The following TRANK1 variants were observed in gnomAD, a reference collection of about 807,000 sequenced individuals.
The protein encoded by TRANK1 is TPR and ankyrin repeat-containing protein 1.
A neutral mutation model predicts 266.0 loss-of-function variants in TRANK1; 198 were observed. The ratio of observed to expected loss-of-function variants is 0.74; its 90% CI spans 0.66 to 0.84. The LOEUF is 0.84. Among genes scored for constraint, TRANK1 ranks in the 40% least tolerant of loss-of-function variants. The pLI is 0.00. For missense variants in TRANK1, 3,326 were observed against 3,634.6 expected (o/e 0.92, Z 2.18); for synonymous variants, 1,396 against 1,384.1 (o/e 1.01, Z -0.19).
intron 1 of TRANK1, among the ~76,000 whole-genome samples, chr3:36,926,911 G>C (rs554303818): frequency 6.6e-6 from 1 of 152,204 alleles, no homozygotes; most frequent in South Asian, 2.1e-4. Flanking sequence ...TTATTTGTCA[G>C]GCCAGGCCCC....
intron 1 of TRANK1, among the ~76,000 whole-genome samples, chr3:36,928,684 G>C (rs1223717543): frequency 6.6e-6 from 1 of 152,072 alleles, no homozygotes; most frequent in Non-Finnish European, 1.5e-5. Context: ...CATTAATTTT[G>C]AAAAGTATAC....
At position 36,858,826 on chromosome 3, in the gene TRANK1, C is replaced by T. The variant is rs1341507616; in HGVS notation, c.1564G>A (p.Glu522Lys). 2.0e-6 allele frequency: 3 copies of T among 1,537,282 alleles called. No individual in the cohort carries two copies. The highest frequency in any genetic ancestry group is 1.2e-5 in the South Asian group (1 of 84,064). Reference sequence around the variant, plus strand: ...TTGGTCAAGAGAAGGAAAGCCAACTCGAAGTCCTCATGTTTCAGGCACGTG... The same window carrying T: ...TTGGTCAAGAGAAGGAAAGCCAACTTGAAGTCCTCATGTTTCAGGCACGTG... ...VVTCLKHEDF[E>K]LAFLLLTKGA... Residue 522 changes from glutamate (E) to lysine (K), a missense_variant, in exon 12 of 24, where the codon GAG becomes AAG. By Grantham distance (56) the Glu-to-Lys change is moderately conservative. Coordinates refer to ENST00000645898, the MANE Select transcript of TRANK1 (RefSeq NM_001329998.2).
rs144966262 is a variant in TRANK1 at position 36,933,572 on chromosome 3, G to A, written c.23+11215C>T. ...TCCTAGCATCCACCCCAGCACCCTG[G>A]TCCACACTACCTGTCACCTGCCATT... On this transcript the variant is annotated intron_variant, in intron 1 of 23. Coordinates refer to ENST00000645898, the MANE Select transcript of TRANK1 (RefSeq NM_001329998.2). Among the ~76,000 whole-genome samples the A allele has an allele frequency of 1.6e-3, 239 of 152,262 alleles. 2 individuals are homozygous for A. Among genetic ancestry groups the A allele is most frequent in the Middle Eastern group, 6.8e-3 (2 of 294 alleles).
chr3:36,881,683 T>C (rs780874171), intron 8 of TRANK1, among the ~76,000 whole-genome samples: 2 of 152,188 alleles, frequency 1.3e-5, no homozygotes, highest in Non-Finnish European at 2.9e-5. Context: ...TGTACAACCA[T>C]CACCACTGTC....
At position 36,879,770 on chromosome 3, in the gene TRANK1, AAAT is replaced by A. The variant is rs1291516631; in HGVS notation, c.908-5477_908-5475del. 1.8e-3 allele frequency among the ~76,000 whole-genome samples: 189 copies of A among 103,110 alleles called. 36 individuals carry two copies. Among genetic ancestry groups the A allele is most frequent in the South Asian group, 5.0e-3 (17 of 3,416 alleles). The allele number at this position is 103,110 out of a possible 152,430, so 67.6% of individuals were successfully genotyped here. On this transcript the variant is annotated intron_variant, in intron 8 of 23. Transcript: ENST00000645898. ...TATATAAATATATATAAATATATAT[AAAT>A]ATATATAAATATGTAAATATATAAA...
At chr3:36,920,805 A>G (rs770388730) in intron 1 of TRANK1, among the ~76,000 whole-genome samples, 1 of 152,206 alleles carries the variant, frequency 6.6e-6, no homozygotes, top group Non-Finnish European at 1.5e-5. Context: ...GGCCTGCCCT[A>G]TCTCTGGACT....
At chr3:36,916,193 T>C (rs2080121689) in intron 1 of TRANK1, among the ~76,000 whole-genome samples, 2 of 152,238 alleles carry the variant, frequency 1.3e-5, no homozygotes, top group African/African-American at 4.8e-5. Flanking sequence ...TAATTAACTT[T>C]GCAATACATA....
intron 1 of TRANK1, among the ~76,000 whole-genome samples, chr3:36,924,618 G>A (rs2080262006): frequency 6.6e-6 from 1 of 152,094 alleles, no homozygotes; most frequent in African/African-American, 2.4e-5. Context: ...AGGAGAACAG[G>A]GCTAAAAAGA....
rs761648836 is a variant in TRANK1 at position 36,856,433 on chromosome 3, AAACGTGG to A, written c.3282_3288del (p.His1095ThrfsTer19). On this transcript the variant is annotated frameshift_variant, in exon 13 of 24. Transcript: ENST00000645898. LOFTEE classifies it high-confidence loss of function. The stretch of plus-strand genomic sequence containing the variant: ...CCTGCCTGCTCAGCTTTTTCCCAGT[AAACGTGG>A]AATTTCTTCCACAATCTGTACAAGC... 1 of 1,613,872 alleles carries A rather than the reference AAACGTGG, an allele frequency of 6.2e-7. No homozygotes were observed. The highest frequency in any genetic ancestry group is 1.7e-5 in the Admixed American group (1 of 60,014).
chr3:36,881,588 G>A (rs1013594103), intron 8 of TRANK1, among the ~76,000 whole-genome samples: 1 of 152,260 alleles, frequency 6.6e-6, no homozygotes, highest in African/African-American at 2.4e-5. Flanking sequence ...ACTCCAGCCT[G>A]GGCAACACAA....
intron 18 of TRANK1, among the ~76,000 whole-genome samples, chr3:36,839,033 A>G (rs1375363133): frequency 6.6e-6 from 1 of 152,196 alleles, no homozygotes; most frequent in African/African-American, 2.4e-5. Flanking sequence ...CATCCTTCTC[A>G]TTGTATATAG....
At position 36,832,464 on chromosome 3, in the gene TRANK1, G is replaced by C. The variant is rs376178651; in HGVS notation, c.7119C>G (p.Gly2373=). ...CTTTTATCCTGCTGCCTCTCCCCCTGCCCCTTTCATCCTTTTCAGACTCTA... is the reference window on the plus strand; with the variant it reads ...CTTTTATCCTGCTGCCTCTCCCCCTCCCCCTTTCATCCTTTTCAGACTCTA... ...KALESEKDER[G]RGRGSRIKGI... The change falls in exon 22 of 24, where the codon GGC becomes GGG. Residue 2373 remains glycine (G), a synonymous_variant. Coordinates refer to ENST00000645898, the MANE Select transcript of TRANK1 (RefSeq NM_001329998.2). 9.3e-6 allele frequency: 15 copies of C among 1,613,708 alleles called. No homozygotes were observed. Among genetic ancestry groups the C allele is most frequent in the Non-Finnish European group, 1.3e-5 (15 of 1,179,870 alleles).
chr3:36,939,504 CACTGTTCTCTCT>C (rs928013420), intron 1 of TRANK1, among the ~76,000 whole-genome samples: 1 of 152,188 alleles, frequency 6.6e-6, no homozygotes, highest in Non-Finnish European at 1.5e-5. Context: ...GATCAAGTCC[CACTGTTCTCTCT>C]TCCAGGCCTG....
At chr3:36,875,873 G>A (rs2079381032) in intron 8 of TRANK1, among the ~76,000 whole-genome samples, 1 of 152,304 alleles carries the variant, frequency 6.6e-6, no homozygotes, top group Admixed American at 6.5e-5. Flanking sequence ...CAGAAAAAAA[G>A]TAACGCTTAG....
chr3:36,842,525 C>G, intron 18 of TRANK1, 97 bp downstream of exon 18: 1 of 1,075,724 alleles, frequency 9.3e-7, no homozygotes, highest in South Asian at 1.3e-5. Context: ...CCATTACGCT[C>G]ATCCTTTCCT....
chr3:36,928,307 C>T (rs2080316299), intron 1 of TRANK1, among the ~76,000 whole-genome samples: 1 of 152,078 alleles, frequency 6.6e-6, no homozygotes, highest in African/African-American at 2.4e-5. Context: ...GGGAAAAAGT[C>T]TTTTTTTCTA....
At chr3:36,829,869 T>A (rs1187262928) in intron 22 of TRANK1, among the ~76,000 whole-genome samples, 1 of 152,230 alleles carries the variant, frequency 6.6e-6, no homozygotes, top group Non-Finnish European at 1.5e-5. Context: ...ACACCATTAC[T>A]GTCTGTCTAT....
rs560417548 is a variant in TRANK1, at chr3:36,829,435, C to T, written c.8809+129G>A. ...GTAATTTGAGTCACTGGAGGTGATG[C>T]TCCTAGACAGTGAGAGTCCACTATT... On this transcript the variant is annotated intron_variant, in intron 23 of 23. Coordinates refer to ENST00000645898, the MANE Select transcript of TRANK1 (RefSeq NM_001329998.2). 13 of 802,100 alleles carry T rather than the reference C, an allele frequency of 1.6e-5. No homozygotes were observed. In the Middle Eastern group the frequency reaches 1.1e-3, roughly 65 times the overall value. The allele number at this position is 802,100 out of a possible 1,614,324, so 49.7% of individuals were successfully genotyped here.
chr3:36,840,837 A>G (rs1034926016), intron 18 of TRANK1, among the ~76,000 whole-genome samples: 14 of 152,262 alleles, frequency 9.2e-5, no homozygotes, highest in African/African-American at 2.9e-4. Flanking sequence ...TGAGCACAGA[A>G]CCACTCAGAT....
Sources: gnomAD v4.1 joint callset for allele counts (sites outside exome capture counted in the v4.1 genomes callset) on GRCh38, gnomAD v4.1.1 for gene constraint, MANE v1.5 for transcripts, NCBI Gene and HGNC (gene_info 2026-07-23, HGNC 2026-07-21) for gene names.